The following RALGPS1 variants were observed in gnomAD, a reference collection of about 807,000 sequenced individuals.
The protein encoded by RALGPS1 is ras-specific guanine nucleotide-releasing factor RalGPS1.
Under a neutral mutation model 78.8 loss-of-function variants are expected in RALGPS1, and 19 were observed. That is an observed-to-expected ratio of 0.24 (90% CI 0.17 to 0.35). The LOEUF is 0.35. Among genes scored for constraint, RALGPS1 ranks in the 10% least tolerant of loss-of-function variants. The probability of loss-of-function intolerance (pLI) is 1.00; values close to 1 mark genes in which losing one functional copy is unlikely to be tolerated. For missense variants in RALGPS1, 454 were observed against 688.3 expected, an observed-to-expected ratio of 0.66 and a Z score of 3.81; for synonymous variants, 228 against 256.3, an observed-to-expected ratio of 0.89 and a Z score of 1.06.
At chr9:127,199,111 A>G in intron 14 of RALGPS1, 45 bp downstream of exon 14, 1 of 1,577,772 alleles carries the variant, frequency 6.3e-7, no homozygotes, top group Non-Finnish European at 8.7e-7. Flanking sequence ...GGCGGTGCTC[A>G]GGGCTGAGGG....
intron 8 of RALGPS1, among the ~76,000 whole-genome samples, chr9:127,095,137 G>A (rs2052966123): frequency 6.6e-6 from 1 of 152,212 alleles, no homozygotes; most frequent in African/African-American, 2.4e-5. Flanking sequence ...GGTGGCTCAC[G>A]CCTGTAATCC....
At chr9:127,106,441 C>T (rs1005946667) in intron 8 of RALGPS1, among the ~76,000 whole-genome samples, 11 of 152,208 alleles carry the variant, frequency 7.2e-5, no homozygotes, top group African/African-American at 1.7e-4. Context: ...TGTAGTTTAC[C>T]GTGGACCCAG....
intron 8 of RALGPS1, among the ~76,000 whole-genome samples, chr9:127,105,251 A>G (rs922910256): frequency 6.6e-6 from 1 of 152,222 alleles, no homozygotes; most frequent in African/African-American, 2.4e-5. Context: ...CATTCCAGTT[A>G]TCTCTGTGAT....
intron 11 of RALGPS1, among the ~76,000 whole-genome samples, chr9:127,182,092 C>CT (rs952129851): frequency 1.3e-5 from 2 of 151,090 alleles, no homozygotes; most frequent in African/African-American, 4.9e-5. Flanking sequence ...AATCCTGGAA[C>CT]TTTGAGAGGC....
chr9:127,152,868 A>T (rs1169622079), intron 8 of RALGPS1, among the ~76,000 whole-genome samples: 1 of 152,168 alleles, frequency 6.6e-6, no homozygotes, highest in African/African-American at 2.4e-5. Flanking sequence ...CATTATCCAG[A>T]TAATCTGCAA....
chr9:127,008,970 C>A (rs2044105568), intron 4 of RALGPS1, among the ~76,000 whole-genome samples: 1 of 152,218 alleles, frequency 6.6e-6, no homozygotes, highest in Non-Finnish European at 1.5e-5. Flanking sequence ...AATCCCAATT[C>A]TATGGCTTTA....
intron 1 of RALGPS1, among the ~76,000 whole-genome samples, chr9:126,948,485 C>G (rs2037492743): frequency 6.6e-6 from 1 of 152,126 alleles, no homozygotes; most frequent in Admixed American, 6.5e-5. Context: ...TGCACCACTG[C>G]ACTCCAGCCT....
chr9:127,124,731 G>C (rs1473381791), intron 8 of RALGPS1, among the ~76,000 whole-genome samples: 4 of 152,204 alleles, frequency 2.6e-5, no homozygotes, highest in African/African-American at 9.6e-5. Flanking sequence ...TTATTCCAAA[G>C]ACAGTAAGGA....
intron 8 of RALGPS1, among the ~76,000 whole-genome samples, chr9:127,119,615 A>T (rs1274123530): frequency 6.6e-6 from 1 of 152,238 alleles, no homozygotes; most frequent in Non-Finnish European, 1.5e-5. Flanking sequence ...GGATGAAATG[A>T]CATAATGTAT....
intron 1 of RALGPS1, among the ~76,000 whole-genome samples, chr9:126,959,148 G>A (rs925353170): frequency 2.0e-5 from 3 of 150,298 alleles, no homozygotes; most frequent in Non-Finnish European, 3.0e-5. Flanking sequence ...TGCAACCTCC[G>A]CTTCTTGGGT....
intron 13 of RALGPS1, 70 bp downstream of exon 13, chr9:127,196,701 C>G: frequency 6.8e-7 from 1 of 1,471,328 alleles, no homozygotes; most frequent in Non-Finnish European, 9.1e-7. Context: ...GTGTCTGTCT[C>G]TGTGTCACTG....
At chr9:127,177,621 G>A (rs538701531) in intron 11 of RALGPS1, among the ~76,000 whole-genome samples, 1 of 152,296 alleles carries the variant, frequency 6.6e-6, no homozygotes, top group Admixed American at 6.5e-5. Context: ...GAGCAACACT[G>A]GCTCCCGCTG....
chr9:127,151,749 G>A (rs1450789091), intron 8 of RALGPS1, among the ~76,000 whole-genome samples: 1 of 152,132 alleles, frequency 6.6e-6, no homozygotes, highest in African/African-American at 2.4e-5. Context: ...AACTCAGAAT[G>A]TATCTAGGGA....
intron 5 of RALGPS1, among the ~76,000 whole-genome samples, chr9:127,041,385 C>T (rs578000431): frequency 5.9e-5 from 9 of 152,210 alleles, no homozygotes; most frequent in East Asian, 3.9e-4. Flanking sequence ...CCACCGCACT[C>T]GGCTAGATTT....
intron 8 of RALGPS1, among the ~76,000 whole-genome samples, chr9:127,165,004 T>C (rs1159985744): frequency 8.5e-5 from 13 of 152,242 alleles, no homozygotes; most frequent in Non-Finnish European, 1.6e-4. Flanking sequence ...GAACTCACTT[T>C]TCATTTCTAA....
chr9:127,044,942 CA>C (rs2047623990), intron 5 of RALGPS1, among the ~76,000 whole-genome samples: 2 of 152,146 alleles, frequency 1.3e-5, no homozygotes, highest in South Asian at 4.1e-4. Flanking sequence ...ATCAAGTTAT[CA>C]ACATGATTAT....
intron 4 of RALGPS1, among the ~76,000 whole-genome samples, chr9:127,004,116 C>T (rs1370957963): frequency 6.6e-6 from 1 of 152,056 alleles, no homozygotes; most frequent in Non-Finnish European, 1.5e-5. Flanking sequence ...TCTTTCTCTT[C>T]TTTCTTCTTT....
chr9:127,155,382 TAGC>T (rs1451876431), intron 8 of RALGPS1, among the ~76,000 whole-genome samples: 1 of 152,120 alleles, frequency 6.6e-6, no homozygotes. Context: ...AGGAGCCAGT[TAGC>T]AGCCAGGAAG....
intron 8 of RALGPS1, among the ~76,000 whole-genome samples, chr9:127,082,050 C>T (rs988348340): frequency 2.0e-5 from 3 of 152,208 alleles, no homozygotes; most frequent in Admixed American, 1.3e-4. Context: ...AGGGCTGGTT[C>T]AGGCCTGACT....
Sources: gnomAD v4.1 joint callset for allele counts (sites outside exome capture counted in the v4.1 genomes callset) on GRCh38, gnomAD v4.1.1 for gene constraint, MANE v1.5 for transcripts, NCBI Gene and HGNC (gene_info 2026-07-23, HGNC 2026-07-21) for gene names.